Variants in DCLK2 observed in about 807,000 individuals in gnomAD.
The protein encoded by DCLK2 is serine/threonine-protein kinase DCLK2.
Under a neutral mutation model 78.4 loss-of-function variants are expected in DCLK2, and 31 were observed. The ratio of observed to expected loss-of-function variants is 0.40; its 90% CI spans 0.30 to 0.53. The LOEUF (loss-of-function observed/expected upper bound fraction) is 0.53, where lower values mean the gene tolerates loss of function less well. DCLK2 is among the 20% of genes least tolerant of loss of function. The pLI, the probability that DCLK2 is intolerant of heterozygous loss-of-function variation, is 0.61. For synonymous variants in DCLK2, 407 were observed against 374.9 expected, an observed-to-expected ratio of 1.09 and a Z score of -0.99; for missense variants, 872 against 973.7, an observed-to-expected ratio of 0.90 and a Z score of 1.39.
intron 7 of DCLK2, 150 bp downstream of exon 7, chr4:150,221,935 T>G (rs1741215629): frequency 2.1e-6 from 1 of 465,796 alleles, no homozygotes; most frequent in Non-Finnish European, 3.8e-6. Flanking sequence ...GAGTCTGCCC[T>G]TGGGACCAGC....
At chr4:150,165,170 T>C (rs1243303327) in intron 2 of DCLK2, among the ~76,000 whole-genome samples, 1 of 152,230 alleles carries the variant, frequency 6.6e-6, no homozygotes, top group Non-Finnish European at 1.5e-5. Context: ...TAAAAACACT[T>C]TTAACAACTG....
rs997353438 is a variant in DCLK2, at chr4:150,097,087, A to G, written c.422-5391A>G. On this transcript the variant is annotated intron_variant, in intron 1 of 15. Transcript: ENST00000296550. ...GAGAGCACTCTGTCACTGAAAGGAAAAGGACGTGCGAAAAATGGGCACAGA... is the reference window on the plus strand; with the variant it reads ...GAGAGCACTCTGTCACTGAAAGGAAGAGGACGTGCGAAAAATGGGCACAGA... Among the ~76,000 whole-genome samples the G allele has an allele frequency of 2.6e-5, 4 of 152,198 alleles. No individual in the cohort carries two copies. The East Asian group carries it at 7.7e-4, about 29-fold the overall frequency.
At chr4:150,116,494 C>G (rs1732105536) in intron 2 of DCLK2, among the ~76,000 whole-genome samples, 1 of 152,166 alleles carries the variant, frequency 6.6e-6, no homozygotes, top group South Asian at 2.1e-4. Flanking sequence ...AAGTAGGAGT[C>G]CCTGAGGATC....
At chr4:150,095,831 A>G (rs1730418666) in intron 1 of DCLK2, among the ~76,000 whole-genome samples, 2 of 152,182 alleles carry the variant, frequency 1.3e-5, no homozygotes, top group Admixed American at 1.3e-4. Context: ...AAGAGAGACA[A>G]GGAGAGAGGA....
chr4:150,234,047 G>A (rs1303210140), intron 10 of DCLK2, among the ~76,000 whole-genome samples: 1 of 152,096 alleles, frequency 6.6e-6, no homozygotes, highest in Non-Finnish European at 1.5e-5. Context: ...TCTACATCAT[G>A]TTAATCCAAA....
intron 2 of DCLK2, among the ~76,000 whole-genome samples, chr4:150,114,364 T>G (rs527560593): frequency 6.6e-6 from 1 of 152,306 alleles, no homozygotes; most frequent in South Asian, 2.1e-4. Context: ...CCACTGTTGT[T>G]GTGTTGCTGT....
intron 2 of DCLK2, among the ~76,000 whole-genome samples, chr4:150,172,326 A>G (rs756167850): frequency 1.3e-5 from 2 of 152,112 alleles, no homozygotes; most frequent in Non-Finnish European, 2.9e-5. Flanking sequence ...AATCCTGGCC[A>G]GGCACGGTGG....
chr4:150,084,472 G>T (rs1729513859), intron 1 of DCLK2, among the ~76,000 whole-genome samples: 1 of 152,178 alleles, frequency 6.6e-6, no homozygotes, highest in South Asian at 2.1e-4. Context: ...AAATCTGGTT[G>T]TCCCATCTCA....
intron 2 of DCLK2, among the ~76,000 whole-genome samples, chr4:150,171,703 G>A (rs1736543478): frequency 6.6e-6 from 1 of 152,200 alleles, no homozygotes; most frequent in South Asian, 2.1e-4. Context: ...TTGAGGGTAG[G>A]AGGAGAGGAG....
intron 2 of DCLK2, among the ~76,000 whole-genome samples, chr4:150,134,859 A>G (rs1341961817): frequency 6.6e-6 from 1 of 151,700 alleles, no homozygotes; most frequent in African/African-American, 2.4e-5. Flanking sequence ...TTTGAGACTG[A>G]TGTGTTTTTT....
intron 10 of DCLK2, among the ~76,000 whole-genome samples, chr4:150,235,510 A>AG (rs1438291147): frequency 1.3e-5 from 2 of 152,156 alleles, no homozygotes; most frequent in Admixed American, 6.5e-5. Context: ...AACCTACGGG[A>AG]GCCCCCTTGT....
chr4:150,253,714 C>T, intron 15 of DCLK2: 1 of 985,414 alleles, frequency 1.0e-6, no homozygotes, highest in Non-Finnish European at 1.2e-6. Flanking sequence ...GCCAAGCAGG[C>T]CCCTGGAAAA....
At chr4:150,197,580 C>T (rs547694248) in intron 3 of DCLK2, among the ~76,000 whole-genome samples, 4 of 152,176 alleles carry the variant, frequency 2.6e-5, no homozygotes, top group Admixed American at 2.6e-4. Flanking sequence ...ATAGTGAAAC[C>T]CCGTCTCTAC....
chr4:150,099,501 C>T (rs557458097), intron 1 of DCLK2, among the ~76,000 whole-genome samples: 20 of 152,258 alleles, frequency 1.3e-4, no homozygotes, highest in Middle Eastern at 3.4e-3. Flanking sequence ...TGGATGGGGA[C>T]ATTATAAGAC....
chr4:150,200,062 G>A (rs1321012788), intron 4 of DCLK2, among the ~76,000 whole-genome samples: 1 of 152,158 alleles, frequency 6.6e-6, no homozygotes, highest in African/African-American at 2.4e-5. Flanking sequence ...CAAGAATCGG[G>A]TGTGATTAAT....
At chr4:150,255,571 G>A (rs1008665024) in intron 15 of DCLK2, among the ~76,000 whole-genome samples, 1 of 152,204 alleles carries the variant, frequency 6.6e-6, no homozygotes, top group Non-Finnish European at 1.5e-5. Context: ...AGCATCTCAG[G>A]TTGTTAGGAG....
At chr4:150,176,928 C>G (rs1737132734) in intron 2 of DCLK2, among the ~76,000 whole-genome samples, 1 of 152,146 alleles carries the variant, frequency 6.6e-6, no homozygotes, top group African/African-American at 2.4e-5. Context: ...TAATTGACAC[C>G]CCTAGAGATT....
rs182215945 is a variant in DCLK2, at chr4:150,184,665, G to A, written c.757-8473G>A. 1.0e-4 allele frequency among the ~76,000 whole-genome samples: 15 copies of A among 149,194 alleles called. No homozygotes were observed. In the East Asian group the frequency reaches 2.6e-3, roughly 26 times the overall value. On this transcript the variant is annotated intron_variant, in intron 2 of 15. Transcript: ENST00000296550. ...CGCCCAGGCTGGAGTGCAGTAGCGC[G>A]ATCTCGGCTCACTGCAAGCTCGACC...
At chr4:150,240,937 A>T (rs1423368309) in intron 12 of DCLK2, among the ~76,000 whole-genome samples, 1 of 152,124 alleles carries the variant, frequency 6.6e-6, no homozygotes, top group Non-Finnish European at 1.5e-5. Flanking sequence ...CATAAAAATA[A>T]ACCCATAATA....
Sources: allele counts gnomAD v4.1 joint callset (sites outside exome capture counted in the v4.1 genomes callset), GRCh38; gene constraint gnomAD v4.1.1; transcripts MANE v1.5; gene names NCBI Gene and HGNC (gene_info 2026-07-23, HGNC 2026-07-21).